Variants in SEMA3A observed in about 807,000 individuals in gnomAD.
SEMA3A encodes semaphorin-3A.
SEMA3A carries 29 observed loss-of-function variants against 97.9 expected under a neutral mutation model. The ratio of observed to expected loss-of-function variants is 0.30; its 90% CI spans 0.22 to 0.40. The LOEUF (loss-of-function observed/expected upper bound fraction) is 0.40, where lower values mean the gene tolerates loss of function less well. SEMA3A is among the 10% of genes least tolerant of loss of function. The pLI, the probability that SEMA3A is intolerant of heterozygous loss-of-function variation, is 1.00. For synonymous variants in SEMA3A, 321 were observed against 323.7 expected, an observed-to-expected ratio of 0.99 and a Z score of 0.09; for missense variants, 763 against 951.3, an observed-to-expected ratio of 0.80 and a Z score of 2.60.
At chr7:84,279,573 G>A (rs1800387177) in intron 3 of SEMA3A, among the ~76,000 whole-genome samples, 2 of 152,186 alleles carry the variant, frequency 1.3e-5, no homozygotes. Context: ...TTCAGTTGGA[G>A]TAATTGCCTG....
chr7:84,429,519 TATATA>T (rs1804915507), intron 1 of SEMA3A, among the ~76,000 whole-genome samples: 2 of 91,398 alleles, frequency 2.2e-5, no homozygotes, highest in African/African-American at 4.0e-5. Flanking sequence ...GAGTTTGTTA[TATATA>T]TATATATATA....
intron 1 of SEMA3A, among the ~76,000 whole-genome samples, chr7:84,186,436 GTTC>G: frequency 1.3e-5 from 2 of 152,248 alleles, no homozygotes; most frequent in South Asian, 4.1e-4. Context: ...ATTTAAGCTA[GTTC>G]TTAAGGGATA....
At chr7:84,314,415 T>G (rs1801443834) in intron 2 of SEMA3A, among the ~76,000 whole-genome samples, 1 of 152,176 alleles carries the variant, frequency 6.6e-6, no homozygotes, top group Admixed American at 6.6e-5. Context: ...GGGACATGAC[T>G]GCAAGTAACC....
chr7:84,248,584 C>CT (rs66529322), intron 3 of SEMA3A, among the ~76,000 whole-genome samples: 410 of 151,368 alleles, frequency 2.7e-3, no homozygotes, highest in African/African-American at 8.9e-3. Context: ...ATAAACACTG[C>CT]TTTTTTTTTA....
chr7:84,449,921 T>G, intron 1 of SEMA3A, among the ~76,000 whole-genome samples: 1 of 152,194 alleles, frequency 6.6e-6, no homozygotes, highest in African/African-American at 2.4e-5. Flanking sequence ...TTTCCTTGTT[T>G]TTAAAAGCTA....
chr7:84,291,978 GT>G (rs1352821338), intron 3 of SEMA3A, among the ~76,000 whole-genome samples: 5 of 152,102 alleles, frequency 3.3e-5, no homozygotes, highest in African/African-American at 1.2e-4. Context: ...ATCTCTGCCA[GT>G]TTATGAGGTC....
At chr7:83,966,829 A>G (rs1176617934) in intron 15 of SEMA3A, among the ~76,000 whole-genome samples, 2 of 151,840 alleles carry the variant, frequency 1.3e-5, no homozygotes, top group African/African-American at 2.4e-5. Flanking sequence ...CTCCTGCCTC[A>G]GACTCCCTAG....
Position 83,958,033 on chromosome 7 carries a change from T to G in SEMA3A, c.*3338A>C, listed in dbSNP as rs1172817055. On this transcript the variant is annotated 3_prime_UTR_variant, in exon 17 of 17. Transcript: ENST00000265362. ...GTCTGTGACCTTTAAGATAAGCAAT[T>G]TCAATAACAGTCATCTGACATCTTT... 6.6e-6 allele frequency: 1 copy of G among 152,094 alleles called. No individual in the cohort carries two copies. Among genetic ancestry groups the G allele is most frequent in the Non-Finnish European group, 1.5e-5 (1 of 67,972 alleles). The allele number at this position is 152,094 out of a possible 1,614,324, so 9.4% of individuals were successfully genotyped here.
chr7:84,398,495 G>A (rs759055166), intron 1 of SEMA3A, among the ~76,000 whole-genome samples: 1 of 152,074 alleles, frequency 6.6e-6, no homozygotes, highest in African/African-American at 2.4e-5. Context: ...TCAAACTTAA[G>A]GTCTAGTAAT....
chr7:84,412,856 A>C (rs764415827), intron 1 of SEMA3A, among the ~76,000 whole-genome samples: 70 of 152,236 alleles, frequency 4.6e-4, no homozygotes, highest in Non-Finnish European at 8.5e-4. Flanking sequence ...GGAATGACTC[A>C]AGTTTACAAA....
intron 6 of SEMA3A, among the ~76,000 whole-genome samples, chr7:84,028,819 C>T (rs761902476): frequency 2.0e-5 from 3 of 152,030 alleles, no homozygotes; most frequent in Non-Finnish European, 4.4e-5. Context: ...CGGGGTTTCA[C>T]CATGTCAGCC....
At chr7:84,407,192 C>A (rs1259155985) in intron 1 of SEMA3A, among the ~76,000 whole-genome samples, 1 of 152,192 alleles carries the variant, frequency 6.6e-6, no homozygotes, top group Non-Finnish European at 1.5e-5. Context: ...TGATAAGCAA[C>A]TTCAGCAAAG....
At chr7:84,435,562 C>A (rs973923467) in intron 1 of SEMA3A, among the ~76,000 whole-genome samples, 1 of 152,132 alleles carries the variant, frequency 6.6e-6, no homozygotes, top group East Asian at 1.9e-4. Context: ...GAGCCAAGAT[C>A]GGGCCAATGC....
At chr7:84,217,492 T>G (rs745703987) in intron 3 of SEMA3A, among the ~76,000 whole-genome samples, 14 of 152,184 alleles carry the variant, frequency 9.2e-5, no homozygotes, top group Non-Finnish European at 1.6e-4. Flanking sequence ...AACATTATGT[T>G]ATAATATGGC....
chr7:84,405,346 T>C (rs371674467), intron 1 of SEMA3A, among the ~76,000 whole-genome samples: 2 of 152,184 alleles, frequency 1.3e-5, no homozygotes, highest in East Asian at 3.8e-4. Context: ...AAGAACTAAC[T>C]ATCCTAAATA....
chr7:84,276,918 T>C (rs1251860667), intron 3 of SEMA3A, among the ~76,000 whole-genome samples: 2 of 152,158 alleles, frequency 1.3e-5, no homozygotes, highest in Non-Finnish European at 2.9e-5. Context: ...AGTTCAGACT[T>C]AGTCATTTTA....
intron 12 of SEMA3A, among the ~76,000 whole-genome samples, chr7:83,985,798 T>C (rs1428050619): frequency 6.6e-6 from 1 of 152,158 alleles, no homozygotes; most frequent in Non-Finnish European, 1.5e-5. Flanking sequence ...AAACATGTTT[T>C]GGACTTGTGT....
At chr7:84,240,165 T>A (rs1394887021) in intron 3 of SEMA3A, among the ~76,000 whole-genome samples, 1 of 152,066 alleles carries the variant, frequency 6.6e-6, no homozygotes, top group Non-Finnish European at 1.5e-5. Flanking sequence ...AGAGTAAAGA[T>A]GGGAGAGAGA....
At chr7:84,058,445 C>T (rs904790944) in intron 5 of SEMA3A, among the ~76,000 whole-genome samples, 1 of 152,036 alleles carries the variant, frequency 6.6e-6, no homozygotes, top group African/African-American at 2.4e-5. Flanking sequence ...CCAACGAAAA[C>T]CCAACAAGGG....
Sources: gnomAD v4.1 joint callset for allele counts (sites outside exome capture counted in the v4.1 genomes callset) on GRCh38, gnomAD v4.1.1 for gene constraint, MANE v1.5 for transcripts, NCBI Gene and HGNC (gene_info 2026-07-23, HGNC 2026-07-21) for gene names.